PRDM16: variants seen among roughly 807,000 people sequenced by gnomAD.
PRDM16 encodes histone-lysine N-methyltransferase PRDM16.
Under a neutral mutation model 110.6 loss-of-function variants are expected in PRDM16, and 23 were observed. The ratio of observed to expected loss-of-function variants is 0.21; its 90% CI spans 0.15 to 0.29. The LOEUF (loss-of-function observed/expected upper bound fraction) is 0.29, where lower values mean the gene tolerates loss of function less well. Ranked by LOEUF, PRDM16 falls within the 10% of genes least tolerant of loss-of-function variation. PRDM16 has a pLI of 1.00. For missense variants in PRDM16, 1,615 were observed against 1,794.3 expected (o/e 0.90, Z 1.81); for synonymous variants, 799 against 781.8 (o/e 1.02, Z -0.37).
intron 3 of PRDM16, among the ~76,000 whole-genome samples, chr1:3,271,233 G>A (rs1044626167): frequency 2.6e-5 from 4 of 152,192 alleles, no homozygotes; most frequent in Non-Finnish European, 5.9e-5. Flanking sequence ...AGGAAGGAAC[G>A]AAGCATTTCC....
chr1:3,418,255 G>A lies in PRDM16; in HGVS notation c.2861+258G>A, dbSNP rs557563619. On this transcript the variant is annotated intron_variant, in intron 11 of 16. Transcript: ENST00000270722. Reference sequence around the variant, plus strand: ...GCCCAGCCTGAACTGGGAAGGCTGGGCCTGAGGTGTGCTGGTCAGTGACTA... The same window carrying A: ...GCCCAGCCTGAACTGGGAAGGCTGGACCTGAGGTGTGCTGGTCAGTGACTA... Among the ~76,000 whole-genome samples the A allele has an allele frequency of 3.3e-5, 5 of 152,340 alleles. No individual in the cohort carries two copies. In the East Asian group the frequency reaches 9.6e-4, roughly 29 times the overall value.
chr1:3,170,381 C>G (rs1171730863), intron 1 of PRDM16, among the ~76,000 whole-genome samples: 2 of 152,194 alleles, frequency 1.3e-5, no homozygotes, highest in Non-Finnish European at 2.9e-5. Context: ...CTTCAGGCTG[C>G]TCTCCCCACC....
intron 3 of PRDM16, among the ~76,000 whole-genome samples, chr1:3,254,569 G>T (rs1343711165): frequency 1.3e-5 from 2 of 152,148 alleles, no homozygotes; most frequent in Non-Finnish European, 2.9e-5. Context: ...GCTTCAAAGA[G>T]AATAAAGTAC....
chr1:3,186,353 C>G lies in PRDM16; in HGVS notation c.266C>G (p.Ser89Cys). 6.2e-7 allele frequency: 1 copy of G among 1,612,376 alleles called. No individual in the cohort carries two copies. The change falls in exon 2 of 17, where the codon TCC (serine) becomes TGC (cysteine). Residue 89 changes from serine (S) to cysteine (C), a missense_variant. Around this residue, in one of 5 missense-constraint regions of PRDM16, gnomAD observed 416 missense variants for 467.1 expected, o/e 0.89. Coordinates refer to ENST00000270722, the MANE Select transcript of PRDM16 (RefSeq NM_022114.4). ...CCAGCAGACTTCGAGCTCCGAGAGT[C>G]CTCCATCCCAGGGGCTGGCCTGGGG... Reference protein sequence around the residue: ...PIPADFELRESSIPGAGLGVW... With the variant: ...PIPADFELRECSIPGAGLGVW...
intron 3 of PRDM16, among the ~76,000 whole-genome samples, chr1:3,337,004 C>T (rs1202535152): frequency 6.7e-6 from 1 of 149,440 alleles, no homozygotes; most frequent in Non-Finnish European, 1.5e-5. Context: ...TGCATGCATG[C>T]ATGCACATGT....
chr1:3,372,377 C>T lies in PRDM16; in HGVS notation c.439-12775C>T, dbSNP rs573933277. On this transcript the variant is annotated intron_variant, in intron 3 of 16. Coordinates refer to ENST00000270722, the MANE Select transcript of PRDM16 (RefSeq NM_022114.4). ...TCAGCCCATCATGAAGAATTCCTCC[C>T]GCATCTGCTGTGGGGTGCCACGTTT... 5.3e-4 allele frequency among the ~76,000 whole-genome samples: 80 copies of T among 152,358 alleles called. 1 individual carries two copies. The South Asian group carries it at 7.5e-3, about 14-fold the overall frequency.
At chr1:3,070,770 G>C (rs1570191586) in intron 1 of PRDM16, among the ~76,000 whole-genome samples, 2 of 152,164 alleles carry the variant, frequency 1.3e-5, no homozygotes, top group Admixed American at 1.3e-4. Context: ...CTGCCCCGCG[G>C]CCGTAGGCCC....
chr1:3,352,075 C>T (rs1404813686), intron 3 of PRDM16, among the ~76,000 whole-genome samples: 1 of 152,190 alleles, frequency 6.6e-6, no homozygotes, highest in African/African-American at 2.4e-5. Flanking sequence ...GTGTGAATGA[C>T]TCTGGGCAGC....
chr1:3,258,641 A>T (rs918123035), intron 3 of PRDM16, among the ~76,000 whole-genome samples: 1 of 152,282 alleles, frequency 6.6e-6, no homozygotes, highest in Non-Finnish European at 1.5e-5. Context: ...TTAGCCACAG[A>T]AATGTTTGCA....
At chr1:3,072,979 T>G (rs1572656) in intron 1 of PRDM16, among the ~76,000 whole-genome samples, 19,534 of 152,222 alleles carry the variant, frequency 0.13, 1,686 homozygotes, top group Non-Finnish European at 0.2. Flanking sequence ...CTGGGTGGGC[T>G]CCTTGGGGAC....
chr1:3,250,091 T>G (rs1212382866), intron 3 of PRDM16, among the ~76,000 whole-genome samples: 1 of 151,942 alleles, frequency 6.6e-6, no homozygotes. Context: ...CCCAGGTGCC[T>G]GGCTTCCGCT....
At chr1:3,341,739 G>A (rs1642277217) in intron 3 of PRDM16, among the ~76,000 whole-genome samples, 2 of 152,192 alleles carry the variant, frequency 1.3e-5, no homozygotes, top group South Asian at 4.2e-4. Flanking sequence ...CTTGCTGTGT[G>A]GGGCAACAGC....
intron 3 of PRDM16, among the ~76,000 whole-genome samples, chr1:3,378,312 C>A (rs1214069125): frequency 6.6e-6 from 1 of 152,176 alleles, no homozygotes. Flanking sequence ...GTGGTGGCCT[C>A]TCTCTGTCCT....
intron 3 of PRDM16, among the ~76,000 whole-genome samples, chr1:3,272,315 G>T (rs527871620): frequency 2.4e-4 from 37 of 152,342 alleles, no homozygotes; most frequent in African/African-American, 8.4e-4. Context: ...GGCTCTGTAG[G>T]GGGCTCTCCG....
At chr1:3,342,537 G>A (rs370278916) in intron 3 of PRDM16, among the ~76,000 whole-genome samples, 11 of 152,190 alleles carry the variant, frequency 7.2e-5, no homozygotes, top group East Asian at 3.9e-4. Flanking sequence ...TGATATATAC[G>A]GTAGCCTATA....
In PRDM16 at chr1:3,092,713, C is replaced by T. The variant is rs533537236; in HGVS notation, c.37+23417C>T. On this transcript the variant is annotated intron_variant, in intron 1 of 16. Coordinates refer to ENST00000270722, the MANE Select transcript of PRDM16 (RefSeq NM_022114.4). ...CCTCCTTCCTCTGGCTGGGCACCCC[C>T]GGTCTGGGCTCTGAGCCACAAGCTG... Among the ~76,000 whole-genome samples, 10 of 152,224 alleles carry T rather than the reference C, an allele frequency of 6.6e-5. No individual in the cohort carries two copies. The East Asian group carries it at 1.9e-3, about 29-fold the overall frequency.
At chr1:3,125,991 A>G (rs1643196657) in intron 1 of PRDM16, among the ~76,000 whole-genome samples, 1 of 152,244 alleles carries the variant, frequency 6.6e-6, no homozygotes, top group Admixed American at 6.5e-5. Flanking sequence ...TGAGTGGCGG[A>G]TCTTCCTGTG....
chr1:3,407,815 G>T (rs551555442), intron 8 of PRDM16, among the ~76,000 whole-genome samples: 125 of 152,344 alleles, frequency 8.2e-4, no homozygotes, highest in Middle Eastern at 6.8e-3. Flanking sequence ...TGAGGACAGG[G>T]AAACTCAACT....
rs1283744117 is a variant in PRDM16 at position 3,434,806 on chromosome 1, C to T, written c.*995C>T. 10 of 232,206 alleles carry T rather than the reference C, an allele frequency of 4.3e-5. No individual in the cohort carries two copies. The highest frequency in any genetic ancestry group is 6.8e-5 in the Non-Finnish European group (8 of 117,444). 14.4% of individuals were successfully genotyped at this position (232,206 alleles called of 1,614,324 possible). ...TTCCCTCCTCTGTCCCTGCCTCGGC[C>T]ACCCCACGCGGGAACCCAGCGCCGT... On this transcript the variant is annotated 3_prime_UTR_variant, in exon 17 of 17. Coordinates refer to ENST00000270722, the MANE Select transcript of PRDM16 (RefSeq NM_022114.4).
Sources: allele counts gnomAD v4.1 joint callset (sites outside exome capture counted in the v4.1 genomes callset), GRCh38; gene constraint gnomAD v4.1.1; regional missense constraint gnomAD v4.1.1; transcripts MANE v1.5; gene names NCBI Gene and HGNC (gene_info 2026-07-23, HGNC 2026-07-21).